RIPK1: variants seen among roughly 807,000 people sequenced by gnomAD.
RIPK1 encodes receptor interacting serine/threonine kinase 1.
Under a neutral mutation model 62.4 loss-of-function variants are expected in RIPK1, and 27 were observed. The observed-to-expected ratio is 0.43, with a 90% CI of 0.32 to 0.60. The LOEUF (loss-of-function observed/expected upper bound fraction) is 0.60, where lower values mean the gene tolerates loss of function less well. RIPK1 is among the 20% of genes least tolerant of loss of function. The probability of loss-of-function intolerance (pLI) is 0.07; values close to 1 mark genes in which losing one functional copy is unlikely to be tolerated. For synonymous variants in RIPK1, 287 were observed against 303.2 expected (o/e 0.95, Z 0.55); for missense variants, 735 against 831.0 (o/e 0.88, Z 1.42).
chr6:3,077,824 G>T lies in RIPK1; in HGVS notation c.210G>T (p.Leu70=). 6.2e-7 allele frequency: 1 copy of T among 1,614,214 alleles called. No homozygotes were observed. Among genetic ancestry groups the T allele is most frequent in the Non-Finnish European group, 8.5e-7 (1 of 1,180,026 alleles). ...AGGAGGCGAAGATGATGAACAGACTGAGACACAGCCGGGTGGTGAAGCTCC... is the reference window on the plus strand; with the variant it reads ...AGGAGGCGAAGATGATGAACAGACTTAGACACAGCCGGGTGGTGAAGCTCC... ...LLEEAKMMNR[L]RHSRVVKLLG... The change falls in exon 3 of 11, where the codon CTG becomes CTT. Residue 70 remains leucine (L), a synonymous_variant. Coordinates refer to ENST00000259808, the MANE Select transcript of RIPK1 (RefSeq NM_001354930.2).
chr6:3,100,171 C>T (rs1760522048), intron 7 of RIPK1, among the ~76,000 whole-genome samples: 1 of 152,018 alleles, frequency 6.6e-6, no homozygotes, highest in African/African-American at 2.4e-5. Flanking sequence ...CCTGTAATTC[C>T]AGCACTATGG....
Position 3,113,698 on chromosome 6 carries a change from A to G in RIPK1, c.*359A>G. The stretch of plus-strand genomic sequence containing the variant: ...TAGCACCAATAAAAAAATGACTCCT[A>G]GTTGTGTTTGGAAAGGGAGAGAAGA... On this transcript the variant is annotated 3_prime_UTR_variant, in exon 11 of 11. Transcript: ENST00000259808. This position sits in a 1 kb window ranked among gnomAD's most constrained non-coding sequence, Gnocchi z 5.0. 5.6e-6 allele frequency: 1 copy of G among 178,014 alleles called. No individual in the cohort carries two copies. Among genetic ancestry groups the G allele is most frequent in the Non-Finnish European group, 1.2e-5 (1 of 85,022 alleles). 11.0% of individuals were successfully genotyped at this position (178,014 alleles called of 1,614,324 possible). A position where few individuals can be genotyped will look rare whatever the true frequency, so the allele number is the denominator to read the frequency against.
intron 7 of RIPK1, among the ~76,000 whole-genome samples, chr6:3,094,418 T>A (rs556448806): frequency 2.5e-4 from 38 of 152,230 alleles, no homozygotes; most frequent in Admixed American, 2.6e-4. Context: ...TGGTTAGAAG[T>A]AACGAAATAT....
intron 5 of RIPK1, among the ~76,000 whole-genome samples, chr6:3,083,866 G>A (rs1188887624): frequency 2.6e-5 from 4 of 151,932 alleles, no homozygotes; most frequent in African/African-American, 4.8e-5. Flanking sequence ...CAGATCCATC[G>A]CAGGTACCAG....
At chr6:3,064,098 G>A (rs1258549871), upstream of RIPK1, 1 of 152,278 alleles carries the variant, frequency 6.6e-6, no homozygotes, top group Non-Finnish European at 1.5e-5. Flanking sequence ...TGGAGCACGG[G>A]AGTGGCGAGC....
intron 5 of RIPK1, 28 bp downstream of exon 5, chr6:3,083,341 G>A (rs755072184): frequency 3.1e-5 from 49 of 1,569,934 alleles, no homozygotes; most frequent in Non-Finnish European, 3.8e-5. Flanking sequence ...TTCCACTGCC[G>A]TCCCCTCAGC....
intron 10 of RIPK1, 91 bp downstream of exon 10, chr6:3,111,046 A>G: frequency 1.1e-6 from 1 of 902,758 alleles, no homozygotes; most frequent in Non-Finnish European, 1.6e-6. Flanking sequence ...TTTCTCTGAT[A>G]ATTCTTCTTG....
chr6:3,104,194 C>T, intron 7 of RIPK1, 31 bp from the exon 8 acceptor site: 1 of 1,009,666 alleles, frequency 9.9e-7, no homozygotes, highest in South Asian at 1.4e-5. Flanking sequence ...CTGCTGTTCA[C>T]TAAAGTGTGT....
upstream of RIPK1, among the ~76,000 whole-genome samples, chr6:3,067,051 A>ATTTTTTTTTTTTTTTTTTTT (rs36132424): frequency 5.1e-5 from 3 of 59,048 alleles, no homozygotes; most frequent in African/African-American, 2.1e-4. Context: ...TTGCTCCAGG[A>ATTTTTTTTTTTTTTTTTTTT]TTTTTTTTTT....
chr6:3,094,839 A>G (rs1482613352), intron 7 of RIPK1, among the ~76,000 whole-genome samples: 7 of 152,166 alleles, frequency 4.6e-5, no homozygotes, highest in Non-Finnish European at 8.8e-5. Context: ...GGGTGAGAGG[A>G]TCGTTTGAGG....
At chr6:3,069,226 A>AC (rs1372770025) in intron 1 of RIPK1, among the ~76,000 whole-genome samples, 1 of 152,346 alleles carries the variant, frequency 6.6e-6, no homozygotes, top group East Asian at 1.9e-4. Context: ...CTCTTCCCTT[A>AC]CCAGCCCTTT....
upstream of RIPK1, chr6:3,068,284 C>T (rs955259420): frequency 6.1e-6 from 6 of 985,626 alleles, no homozygotes; most frequent in South Asian, 2.3e-4. Flanking sequence ...TCCCTCCAGA[C>T]CCTTCTCCCT....
At chr6:3,068,366 A>T, upstream of RIPK1, 2 of 985,354 alleles carry the variant, frequency 2.0e-6, no homozygotes, top group South Asian at 9.4e-5. Flanking sequence ...AAAGTCCGCG[A>T]TCCTCTAGCC....
At position 3,085,305 on chromosome 6, in the gene RIPK1, C is replaced by G. The variant is rs756269351; in HGVS notation, c.735C>G (p.Asn245Lys). ...TGATAATGTGCATAAAATCTGGGAA[C>G]AGGCCAGATGTGGATGACATCACTG... ...QQLIMCIKSGNRPDVDDITEY... is the reference protein window; with the variant it reads ...QQLIMCIKSGKRPDVDDITEY... Residue 245 changes from asparagine (N) to lysine (K), a missense_variant, in exon 6 of 11, where the codon AAC becomes AAG. Transcript: ENST00000259808. 1 of 1,614,166 alleles carries G rather than the reference C, an allele frequency of 6.2e-7. No homozygotes were observed. The highest frequency in any genetic ancestry group is 1.1e-5 in the South Asian group (1 of 91,084).
At chr6:3,067,510 T>C (rs1254474995), upstream of RIPK1, among the ~76,000 whole-genome samples, 1 of 152,248 alleles carries the variant, frequency 6.6e-6, no homozygotes. Flanking sequence ...TCTTTTCATA[T>C]GCATATACAT....
chr6:3,081,259 A>G, intron 4 of RIPK1, 143 bp downstream of exon 4: 2 of 900,442 alleles, frequency 2.2e-6, no homozygotes, highest in Non-Finnish European at 3.3e-6. Flanking sequence ...GAAAGGCTCT[A>G]CCGGTGATTG....
chr6:3,100,235 A>G (rs1760524699), intron 7 of RIPK1, among the ~76,000 whole-genome samples: 1 of 152,118 alleles, frequency 6.6e-6, no homozygotes, highest in African/African-American at 2.4e-5. Flanking sequence ...CAGCTGGCCA[A>G]CATGGTAAAA....
intron 7 of RIPK1, among the ~76,000 whole-genome samples, chr6:3,094,754 C>T (rs146173605): frequency 3.4e-4 from 52 of 151,994 alleles, no homozygotes; most frequent in Non-Finnish European, 4.9e-4. Flanking sequence ...ATTGGTTATT[C>T]GAAAGGCTAA....
At chr6:3,069,865 G>A (rs1758606470) in intron 1 of RIPK1, among the ~76,000 whole-genome samples, 1 of 152,196 alleles carries the variant, frequency 6.6e-6, no homozygotes, top group Non-Finnish European at 1.5e-5. Context: ...ACAAAAATTA[G>A]CCAGGTGTGG....
Sources: allele counts gnomAD v4.1 joint callset (sites outside exome capture counted in the v4.1 genomes callset), GRCh38; gene constraint gnomAD v4.1.1; non-coding constraint Gnocchi (gnomAD v3.1); transcripts MANE v1.5; gene names NCBI Gene and HGNC (gene_info 2026-07-23, HGNC 2026-07-21).